Variants in CEP78 observed in about 807,000 individuals in gnomAD.
CEP78 encodes centrosomal protein of 78 kDa.
Under a neutral mutation model 81.2 loss-of-function variants are expected in CEP78, and 76 were observed. The observed-to-expected ratio is 0.94, with a 90% confidence interval of 0.78 to 1.13. The LOEUF (loss-of-function observed/expected upper bound fraction) is 1.13, where lower values mean the gene tolerates loss of function less well. CEP78 is among the 50% of genes most tolerant of loss of function. The probability of loss-of-function intolerance (pLI) is 0.00; values close to 1 mark genes in which losing one functional copy is unlikely to be tolerated. For missense variants in CEP78, 918 were observed against 846.8 expected, an observed-to-expected ratio of 1.08 and a Z score of -1.04; for synonymous variants, 293 against 301.4, an observed-to-expected ratio of 0.97 and a Z score of 0.29.
In CEP78 at chr9:78,241,816, A is replaced by C; in HGVS notation, c.603+17A>C. On this transcript the variant is annotated intron_variant, in intron 4 of 16. Coordinates refer to ENST00000643273, the MANE Select transcript of CEP78 (RefSeq NM_001330691.3). Reference sequence around the variant, plus strand: ...ATCTTAAAGGTAACTTTATGTTCCAACTTTCATGAAAATGTGTTATATGAT... The same window carrying C: ...ATCTTAAAGGTAACTTTATGTTCCACCTTTCATGAAAATGTGTTATATGAT... 3 of 1,339,764 alleles carry C rather than the reference A, an allele frequency of 2.2e-6. No homozygotes were observed. Among genetic ancestry groups the C allele is most frequent in the Non-Finnish European group, 3.2e-6 (3 of 938,440 alleles). The allele number at this position is 1,339,764 out of a possible 1,614,324, so 83.0% of individuals were successfully genotyped here.
In CEP78 at chr9:78,254,843, G is replaced by C; in HGVS notation, c.1259G>C (p.Gly420Ala). Reference protein sequence around the residue: ...RDICNQLQQPGFPVTVTVESP... With the variant: ...RDICNQLQQPAFPVTVTVESP... ...TTGTCCTCTTTTTTTAAGCAACCAG[G>C]TTTTCCTGTGACTGTGACAGTAGAG... The change falls in exon 11 of 17, where the codon GGT becomes GCT. Residue 420 changes from glycine (G) to alanine (A), a missense_variant. Gly to Ala is a moderately conservative substitution (Grantham distance 60, BLOSUM62 0). Transcript: ENST00000643273. The C allele has an allele frequency of 1.2e-6, 2 of 1,607,192 alleles. No individual in the cohort carries two copies. The highest frequency in any genetic ancestry group is 2.2e-5 in the South Asian group (2 of 90,130).
Position 78,275,091 on chromosome 9 carries a change from A to T in CEP78, c.*4240A>T, listed in dbSNP as rs1334183623. The T allele has an allele frequency of 6.6e-6, 1 of 152,210 alleles. No homozygotes were observed. Among genetic ancestry groups the T allele is most frequent in the Non-Finnish European group, 1.5e-5 (1 of 68,032 alleles). The allele number at this position is 152,210 out of a possible 1,614,324, so 9.4% of individuals were successfully genotyped here. ...ATTAACAAAAATTGCCAGCATTAGG[A>T]ATAATTTTAGAAGGATACCTACAAC... On this transcript the variant is annotated 3_prime_UTR_variant, in exon 17 of 17. Transcript: ENST00000643273.
intron 11 of CEP78, among the ~76,000 whole-genome samples, chr9:78,260,193 A>G (rs891122280): frequency 6.6e-6 from 1 of 152,228 alleles, no homozygotes; most frequent in Non-Finnish European, 1.5e-5. Context: ...GGATGTAAGT[A>G]TTGCAGAGCC....
At chr9:78,242,569 G>T (rs1166264170) in intron 4 of CEP78, among the ~76,000 whole-genome samples, 1 of 152,182 alleles carries the variant, frequency 6.6e-6, no homozygotes, top group African/African-American at 2.4e-5. Flanking sequence ...GAACTAATGT[G>T]TATAAAATAG....
intron 16 of CEP78, among the ~76,000 whole-genome samples, chr9:78,268,392 A>G (rs1827615190): frequency 6.6e-6 from 1 of 152,196 alleles, no homozygotes; most frequent in Non-Finnish European, 1.5e-5. Context: ...AGCTAGGGGA[A>G]CAAGATCGAG....
intron 16 of CEP78, among the ~76,000 whole-genome samples, chr9:78,267,299 G>C (rs988621224): frequency 6.6e-6 from 1 of 152,152 alleles, no homozygotes; most frequent in African/African-American, 2.4e-5. Flanking sequence ...ATTCTGTGGA[G>C]GGAGAAAACA....
Position 78,242,383 on chromosome 9 carries a change from A to C in CEP78, c.603+584A>C, listed in dbSNP as rs151000214. On this transcript the variant is annotated intron_variant, in intron 4 of 16. Coordinates refer to ENST00000643273, the MANE Select transcript of CEP78 (RefSeq NM_001330691.3). ...AAGCCCACTCTCCGTGGGATAGATAATGGTTACTCATGTGGATTCTGAAGC... is the reference window on the plus strand; with the variant it reads ...AAGCCCACTCTCCGTGGGATAGATACTGGTTACTCATGTGGATTCTGAAGC... 2.6e-3 allele frequency among the ~76,000 whole-genome samples: 392 copies of C among 152,278 alleles called. 2 individuals carry two copies. Among genetic ancestry groups the C allele is most frequent in the African/African-American group, 8.8e-3 (365 of 41,562 alleles).
chr9:78,264,146 A>G lies in CEP78; in HGVS notation c.1459-4A>G, dbSNP rs769979435. ...TGTCACACATTTTCAATCTTCTTTT[A>G]TAGCTGGAACATGAAAATGCCCAGT... On this transcript the variant is annotated splice_region_variant and splice_polypyrimidine_tract_variant and intron_variant, in intron 12 of 16. Coordinates refer to ENST00000643273, the MANE Select transcript of CEP78 (RefSeq NM_001330691.3). 16 of 1,441,832 alleles carry G rather than the reference A, an allele frequency of 1.1e-5. No individual in the cohort carries two copies. The highest frequency in any genetic ancestry group is 2.6e-5 in the East Asian group (1 of 39,160). The allele number at this position is 1,441,832 out of a possible 1,614,324, so 89.3% of individuals were successfully genotyped here.
In CEP78 at chr9:78,265,842, A is replaced by G; in HGVS notation, c.1798-17A>G. 1 of 1,247,344 alleles carries G rather than the reference A, an allele frequency of 8.0e-7. No homozygotes were observed. Among genetic ancestry groups the G allele is most frequent in the Non-Finnish European group, 1.2e-6 (1 of 869,358 alleles). The allele number at this position is 1,247,344 out of a possible 1,614,324, so 77.3% of individuals were successfully genotyped here. A position where few individuals can be genotyped will look rare whatever the true frequency, so the allele number is the denominator to read the frequency against. ...TTTCAATTTTATAAATGTCTATTCTATTCATATTCCATCTAGGTTTCTATT... is the reference window on the plus strand; with the variant it reads ...TTTCAATTTTATAAATGTCTATTCTGTTCATATTCCATCTAGGTTTCTATT... On this transcript the variant is annotated splice_polypyrimidine_tract_variant and intron_variant, in intron 14 of 16. Coordinates refer to ENST00000643273, the MANE Select transcript of CEP78 (RefSeq NM_001330691.3).
At position 78,279,476 on chromosome 9, in the gene CEP78, AG is replaced by A. The variant is rs1827864159; in HGVS notation, c.*8627del. 6.6e-6 allele frequency: 1 copy of A among 152,108 alleles called. No homozygotes were observed. Among genetic ancestry groups the A allele is most frequent in the African/African-American group, 2.4e-5 (1 of 41,434 alleles). The allele number at this position is 152,108 out of a possible 1,614,324, so 9.4% of individuals were successfully genotyped here. On this transcript the variant is annotated 3_prime_UTR_variant, in exon 17 of 17. Transcript: ENST00000643273. Reference sequence around the variant, plus strand: ...ATATTGCAAACCTACAAGGAGTAAAAGGTGTTATTATTTTAAAGAAGAAGGA... The same window carrying A: ...ATATTGCAAACCTACAAGGAGTAAAAGTGTTATTATTTTAAAGAAGAAGGA...
chr9:78,243,797 C>G (rs548781754), intron 5 of CEP78, among the ~76,000 whole-genome samples, 161 bp downstream of exon 5: 1 of 146,906 alleles, frequency 6.8e-6, no homozygotes, highest in East Asian at 2.0e-4. Flanking sequence ...TATATATATT[C>G]TTTATAGAAA....
rs1163666671 is a variant in CEP78, at chr9:78,272,321, C to T, written c.*1470C>T. The T allele has an allele frequency of 6.6e-6, 1 of 152,246 alleles. No homozygotes were observed. Among genetic ancestry groups the T allele is most frequent in the Admixed American group, 6.5e-5 (1 of 15,284 alleles). 9.4% of individuals were successfully genotyped at this position (152,246 alleles called of 1,614,324 possible). A position where few individuals can be genotyped will look rare whatever the true frequency, so the allele number is the denominator to read the frequency against. ...GACTACAGACCTGAGCCACTGTGCC[C>T]AGCCCCATGAAAGATGTTTAGATCA... On this transcript the variant is annotated 3_prime_UTR_variant, in exon 17 of 17. Transcript: ENST00000643273.
intron 11 of CEP78, among the ~76,000 whole-genome samples, chr9:78,260,542 C>A (rs1347547895): frequency 6.6e-6 from 1 of 151,894 alleles, no homozygotes; most frequent in Non-Finnish European, 1.5e-5. Context: ...CCTGTCTCTA[C>A]TAAAAATACA....
chr9:78,247,530 G>T lies in CEP78; in HGVS notation c.892+748G>T, dbSNP rs1273374956. On this transcript the variant is annotated intron_variant, in intron 6 of 16. Coordinates refer to ENST00000643273, the MANE Select transcript of CEP78 (RefSeq NM_001330691.3). ...TACAAAGTCAGACAACTAGCCAGGG[G>T]CCTGATCTTGTAAGGTTTGAAGGTC... Among the ~76,000 whole-genome samples the T allele has an allele frequency of 2.0e-5, 3 of 152,196 alleles. No individual in the cohort carries two copies. In the East Asian group the frequency reaches 5.8e-4, roughly 29 times the overall value.
Position 78,236,319 on chromosome 9 carries a change from C to T in CEP78, c.-32C>T. 1 of 1,536,914 alleles carries T rather than the reference C, an allele frequency of 6.5e-7. No individual in the cohort carries two copies. The highest frequency in any genetic ancestry group is 1.2e-5 in the South Asian group (1 of 84,610). ...TGGGTGGGCGCGGGCGGCGTCTCCG[C>T]GGCGGGCATCCCCCGAGGCCGCCCT... On this transcript the variant is annotated 5_prime_UTR_variant, in exon 1 of 17. Transcript: ENST00000643273.
chr9:78,273,579 CA>C lies in CEP78; in HGVS notation c.*2746del, dbSNP rs35518970. The C allele has an allele frequency of 0.075, 8,764 of 116,830 alleles. 347 individuals are homozygous for C. The highest frequency in any genetic ancestry group is 0.17 in the Admixed American group (2,039 of 11,918). 7.2% of individuals were successfully genotyped at this position (116,830 alleles called of 1,614,324 possible). A position where few individuals can be genotyped will look rare whatever the true frequency, so the allele number is the denominator to read the frequency against. On this transcript the variant is annotated 3_prime_UTR_variant, in exon 17 of 17. Coordinates refer to ENST00000643273, the MANE Select transcript of CEP78 (RefSeq NM_001330691.3). Reference sequence around the variant, plus strand: ...CAAAACTCCGTCTCTACTAAAAATACAAAAAAAAAAAAAAAAAATTAGCTGG... The same window carrying C: ...CAAAACTCCGTCTCTACTAAAAATACAAAAAAAAAAAAAAAAATTAGCTGG...
intron 10 of CEP78, 56 bp from the exon 11 acceptor site, chr9:78,254,780 T>G: frequency 7.0e-7 from 1 of 1,428,610 alleles, no homozygotes; most frequent in South Asian, 1.2e-5. Flanking sequence ...TTAGATGTCC[T>G]TTAGTATTTG....
At chr9:78,246,041 A>G (rs1269223856) in intron 5 of CEP78, among the ~76,000 whole-genome samples, 1 of 152,138 alleles carries the variant, frequency 6.6e-6, no homozygotes, top group African/African-American at 2.4e-5. Flanking sequence ...ATCCTTGTTA[A>G]TTATGAACAA....
At position 78,240,122 on chromosome 9, in the gene CEP78, T is replaced by A; in HGVS notation, c.353T>A (p.Ile118Lys). The change falls in exon 2 of 17, where the codon ATA becomes AAA. Residue 118 changes from isoleucine to lysine, a missense_variant. Ile to Lys is a moderately radical substitution (Grantham distance 102). Coordinates refer to ENST00000643273, the MANE Select transcript of CEP78 (RefSeq NM_001330691.3). Reference protein sequence around the residue: ...LCKALKGCLSISSVLKNLELN... With the variant: ...LCKALKGCLSKSSVLKNLELN... ...AAAGCTCTTAAAGGCTGTTTAAGTA[T>A]ATCAAGTGTGCTAAAGAACCTGGAG... The A allele has an allele frequency of 6.3e-7, 1 of 1,589,046 alleles. No homozygotes were observed. Among genetic ancestry groups the A allele is most frequent in the African/African-American group, 1.4e-5 (1 of 72,942 alleles).
Sources: allele counts gnomAD v4.1 joint callset (sites outside exome capture counted in the v4.1 genomes callset), GRCh38; gene constraint gnomAD v4.1.1; transcripts MANE v1.5; gene names NCBI Gene and HGNC (gene_info 2026-07-23, HGNC 2026-07-21).